FAM107B: variants seen among roughly 807,000 people sequenced by gnomAD.
The protein encoded by FAM107B is family with sequence similarity 107 member B, also known as protein FAM107B.
Under a neutral mutation model 31.5 loss-of-function variants are expected in FAM107B, and 21 were observed. The ratio of observed to expected loss-of-function variants is 0.67; its 90% CI spans 0.47 to 0.96. FAM107B has a LOEUF of 0.96. FAM107B is among the 40% of genes least tolerant of loss of function. FAM107B has a pLI of 0.00. For synonymous variants in FAM107B, 157 were observed against 141.5 expected (o/e 1.11, Z -0.78); for missense variants, 452 against 377.1 (o/e 1.20, Z -1.64).
intron 2 of FAM107B, among the ~76,000 whole-genome samples, chr10:14,612,146 GAGA>G (rs1236071672): frequency 6.6e-6 from 1 of 152,182 alleles, no homozygotes; most frequent in Non-Finnish European, 1.5e-5. Flanking sequence ...AATCGTGCCA[GAGA>G]AGGTTTACTT....
intron 2 of FAM107B, among the ~76,000 whole-genome samples, chr10:14,608,911 C>T (rs1399953170): frequency 1.3e-5 from 2 of 152,150 alleles, no homozygotes; most frequent in Non-Finnish European, 2.9e-5. Context: ...TGAGGAACTA[C>T]AGAATGGAGG....
chr10:14,705,750 T>C (rs12781721), intron 1 of FAM107B, among the ~76,000 whole-genome samples: 39,165 of 151,784 alleles, frequency 0.26, 5,537 homozygotes, highest in Middle Eastern at 0.41. Context: ...GGTACAGAGA[T>C]TCAGTTTTTT....
intron 2 of FAM107B, chr10:14,556,442 C>T: frequency 1.0e-6 from 1 of 983,950 alleles, no homozygotes; most frequent in Non-Finnish European, 1.2e-6. Context: ...ACTCAGCATG[C>T]CAGAGAGCAG....
chr10:14,594,747 ATTGG>A (rs979914866), intron 2 of FAM107B, among the ~76,000 whole-genome samples: 3 of 152,166 alleles, frequency 2.0e-5, no homozygotes, highest in African/African-American at 7.2e-5. Context: ...ATGGAACTGC[ATTGG>A]TTGGTGCCTC....
At chr10:14,672,601 G>A (rs1854588815) in intron 1 of FAM107B, among the ~76,000 whole-genome samples, 1 of 152,138 alleles carries the variant, frequency 6.6e-6, no homozygotes, top group African/African-American at 2.4e-5. Flanking sequence ...ATTCTATATG[G>A]GGTCTGTTGC....
intron 2 of FAM107B, among the ~76,000 whole-genome samples, chr10:14,646,676 T>A (rs1853762213): frequency 1.3e-5 from 2 of 151,930 alleles, no homozygotes; most frequent in South Asian, 4.1e-4. Flanking sequence ...TTCCTTTGGG[T>A]GGGTACCCAG....
intron 1 of FAM107B, among the ~76,000 whole-genome samples, chr10:14,768,361 C>T (rs1183949631): frequency 1.3e-5 from 2 of 152,130 alleles, no homozygotes; most frequent in African/African-American, 4.8e-5. Flanking sequence ...AATGGGAGAA[C>T]AACATTGGAA....
At chr10:14,545,296 A>T (rs189989915) in intron 2 of FAM107B, among the ~76,000 whole-genome samples, 49 of 152,256 alleles carry the variant, frequency 3.2e-4, no homozygotes, top group Admixed American at 7.8e-4. Context: ...TTTCTGCTAA[A>T]TTAATGGCAG....
At chr10:14,734,919 T>G (rs1856263792) in intron 1 of FAM107B, among the ~76,000 whole-genome samples, 1 of 152,088 alleles carries the variant, frequency 6.6e-6, no homozygotes, top group South Asian at 2.1e-4. Flanking sequence ...CAAATTGATA[T>G]ACGCAATCTC....
chr10:14,622,933 A>C (rs1242174622), intron 2 of FAM107B, among the ~76,000 whole-genome samples: 2 of 152,272 alleles, frequency 1.3e-5, no homozygotes, highest in Middle Eastern at 3.4e-3. Context: ...TTAACTACAC[A>C]ATTTCTAGTT....
At chr10:14,738,003 C>T (rs1246596785) in intron 1 of FAM107B, among the ~76,000 whole-genome samples, 1 of 152,134 alleles carries the variant, frequency 6.6e-6, no homozygotes, top group East Asian at 1.9e-4. Flanking sequence ...CTAATGCCAC[C>T]ACTCTAGAGT....
At chr10:14,534,335 T>A (rs1476611756) in intron 2 of FAM107B, among the ~76,000 whole-genome samples, 1 of 152,088 alleles carries the variant, frequency 6.6e-6, no homozygotes, top group Non-Finnish European at 1.5e-5. Flanking sequence ...GAGAACCATG[T>A]GGGATCTGGG....
chr10:14,691,993 A>G (rs1014893466), intron 1 of FAM107B, among the ~76,000 whole-genome samples: 1 of 151,874 alleles, frequency 6.6e-6, no homozygotes, highest in African/African-American at 2.4e-5. Flanking sequence ...TCACTGCATC[A>G]TCTCTCCTAG....
At chr10:14,663,681 G>A (rs912712151) in intron 2 of FAM107B, among the ~76,000 whole-genome samples, 1 of 152,052 alleles carries the variant, frequency 6.6e-6, no homozygotes. Context: ...AGGCACTAAG[G>A]TTCCATCTTT....
intron 3 of FAM107B, 129 bp from the exon 4 acceptor site, chr10:14,522,148 T>C: frequency 8.4e-7 from 1 of 1,189,750 alleles, no homozygotes; most frequent in African/African-American, 1.5e-5. Context: ...CCTACTAGGC[T>C]ACAGCAGGCA....
intron 1 of FAM107B, among the ~76,000 whole-genome samples, chr10:14,770,794 T>C (rs550408857): frequency 6.6e-6 from 1 of 152,242 alleles, no homozygotes; most frequent in Non-Finnish European, 1.5e-5. Context: ...CGCTCATCAC[T>C]AAACCAAACA....
At chr10:14,521,798 G>A in intron 4 of FAM107B, 71 bp downstream of exon 4, 1 of 1,567,606 alleles carries the variant, frequency 6.4e-7, no homozygotes, top group African/African-American at 1.4e-5. Flanking sequence ...GGTAAATCCT[G>A]CCCGCTCCAA....
chr10:14,663,622 A>G (rs1273965950), intron 2 of FAM107B: 2 of 152,220 alleles, frequency 1.3e-5, no homozygotes, highest in Non-Finnish European at 2.9e-5. Flanking sequence ...GTATCCATGA[A>G]GCTAGTATAT....
chr10:14,585,514 G>A (rs945912187), intron 2 of FAM107B, among the ~76,000 whole-genome samples: 8 of 152,128 alleles, frequency 5.3e-5, no homozygotes, highest in East Asian at 1.9e-4. Flanking sequence ...ACAGTCTCTC[G>A]AGCACTCCAG....
Sources: allele counts gnomAD v4.1 joint callset (sites outside exome capture counted in the v4.1 genomes callset), GRCh38; gene constraint gnomAD v4.1.1; transcripts MANE v1.5; gene names NCBI Gene and HGNC (gene_info 2026-07-23, HGNC 2026-07-21).